The following RBFOX1 variants were observed in gnomAD, a reference collection of about 807,000 sequenced individuals.
RBFOX1 encodes the protein RNA binding fox-1 homolog 1, also known as RNA binding protein fox-1 homolog 1.
RBFOX1 carries 8 observed loss-of-function variants against 57.7 expected under a neutral mutation model. That is an observed-to-expected ratio of 0.14 (90% CI 0.08 to 0.25). RBFOX1 has a LOEUF of 0.25. Ranked by LOEUF, RBFOX1 falls within the 10% of genes least tolerant of loss-of-function variation. The pLI is 1.00. For synonymous variants in RBFOX1, 326 were observed against 222.4 expected (o/e 1.47, Z -4.15); for missense variants, 611 against 548.5 (o/e 1.11, Z -1.14).
At chr16:7,446,982 T>C (rs1434566170) in intron 4 of RBFOX1, among the ~76,000 whole-genome samples, 2 of 151,330 alleles carry the variant, frequency 1.3e-5, no homozygotes, top group Non-Finnish European at 2.9e-5. Context: ...CTGGCTAATA[T>C]TTTGTATTTT....
chr16:7,187,557 C>G (rs8054631), intron 4 of RBFOX1, among the ~76,000 whole-genome samples: 6,732 of 151,054 alleles, frequency 0.045, 534 homozygotes, highest in African/African-American at 0.15. Flanking sequence ...GGCGTGGTGG[C>G]GGGCGCCTGT....
In RBFOX1 at chr16:5,353,111, C is replaced by T. The variant is rs555611567; in HGVS notation, c.219+113006C>T. Among the ~76,000 whole-genome samples, 11 of 151,514 alleles carry T rather than the reference C, an allele frequency of 7.3e-5. No homozygotes were observed. The East Asian group carries it at 9.9e-4, about 14-fold the overall frequency. ...TGTTCAGGCTGGGTGTGGTGGTGCA[C>T]GCCTGTAATCCCAGCACTTTGGGAA... is the stretch of plus-strand genomic sequence containing the variant. On this transcript the variant is annotated intron_variant, in intron 1 of 2. Coordinates refer to the RBFOX1 transcript ENST00000585867.
At position 7,545,967 on chromosome 16, in the gene RBFOX1, G is replaced by A. The variant is rs60040060; in HGVS notation, c.270+27578G>A. Among the ~76,000 whole-genome samples, 1,380 of 148,546 alleles carry A rather than the reference G, an allele frequency of 9.3e-3. 23 individuals are homozygous for A. Among genetic ancestry groups the A allele is most frequent in the African/African-American group, 0.03 (1,214 of 40,320 alleles). On this transcript the variant is annotated intron_variant, in intron 5 of 15. Coordinates refer to ENST00000550418, the MANE Select transcript of RBFOX1 (RefSeq NM_018723.4). ...CATGCCTTAGAAATTGGAAAGTGTC[G>A]TAAAACTAGAAGCACTTATTACTAT...
chr16:7,313,487 A>G (rs201828882), intron 4 of RBFOX1, among the ~76,000 whole-genome samples: 1 of 62,302 alleles, frequency 1.6e-5, no homozygotes, highest in Non-Finnish European at 3.4e-5. Context: ...TTTTTTTTTT[A>G]AGGCTCTTTG....
At chr16:5,691,623 C>A (rs566064367) in intron 3 of RBFOX1, among the ~76,000 whole-genome samples, 2 of 152,078 alleles carry the variant, frequency 1.3e-5, no homozygotes, top group African/African-American at 2.4e-5. Flanking sequence ...ATCTCTAATC[C>A]AAAAATCTGA....
Position 7,417,461 on chromosome 16 carries a change from A to C in RBFOX1, c.28-100686A>C, listed in dbSNP as rs148456711. Among the ~76,000 whole-genome samples the C allele has an allele frequency of 1.8e-3, 266 of 151,074 alleles. 1 individual carries two copies. Among genetic ancestry groups the C allele is most frequent in the African/African-American group, 5.8e-3 (240 of 41,142 alleles). On this transcript the variant is annotated intron_variant, in intron 4 of 15. Coordinates refer to ENST00000550418, the MANE Select transcript of RBFOX1 (RefSeq NM_018723.4). The stretch of plus-strand genomic sequence containing the variant: ...TCTTATATAACCAAAGTACACCACC[A>C]CCACCAGGAAACTGACCTTGATCCA...
chr16:7,554,276 C>T (rs574601090), intron 5 of RBFOX1, among the ~76,000 whole-genome samples: 1 of 152,308 alleles, frequency 6.6e-6, no homozygotes, highest in South Asian at 2.1e-4. Context: ...ATAGCAGGAA[C>T]CGTTCTTCAA....
chr16:7,112,865 A>T (rs1297159957), intron 4 of RBFOX1, among the ~76,000 whole-genome samples: 1 of 152,120 alleles, frequency 6.6e-6, no homozygotes. Context: ...GACAGCAATA[A>T]TGGGGATGAC....
chr16:6,552,025 A>G (rs2096999741), intron 2 of RBFOX1, among the ~76,000 whole-genome samples: 1 of 152,220 alleles, frequency 6.6e-6, no homozygotes, highest in Non-Finnish European at 1.5e-5. Context: ...TCAGCAGGAG[A>G]GGAAAGGATG....
intron 2 of RBFOX1, among the ~76,000 whole-genome samples, chr16:6,528,524 G>C (rs2096613251): frequency 6.6e-6 from 1 of 152,194 alleles, no homozygotes; most frequent in Non-Finnish European, 1.5e-5. Context: ...GGCAAAGGAG[G>C]TGTCCTTCAC....
intron 1 of RBFOX1, among the ~76,000 whole-genome samples, chr16:6,207,751 G>A (rs2097264671): frequency 1.3e-5 from 2 of 151,924 alleles, no homozygotes; most frequent in Non-Finnish European, 1.5e-5. Flanking sequence ...GCAGTGGTGC[G>A]CATGTAAGTA....
At chr16:6,846,157 C>A (rs568856328) in intron 3 of RBFOX1, among the ~76,000 whole-genome samples, 4 of 152,298 alleles carry the variant, frequency 2.6e-5, no homozygotes, top group Admixed American at 1.3e-4. Flanking sequence ...CCCAGAGCTG[C>A]TTACACGGTG....
At chr16:7,046,509 A>G (rs778229042) in intron 3 of RBFOX1, among the ~76,000 whole-genome samples, 1 of 151,586 alleles carries the variant, frequency 6.6e-6, no homozygotes, top group Non-Finnish European at 1.5e-5. Flanking sequence ...AATATATGTA[A>G]TTTTTATTTT....
At position 5,548,180 on chromosome 16, in the gene RBFOX1, T is replaced by A. The variant is rs1453115951; in HGVS notation, c.259-50722T>A. Among the ~76,000 whole-genome samples the A allele has an allele frequency of 1.4e-3, 73 of 53,062 alleles. 1 individual carries two copies. Among genetic ancestry groups the A allele is most frequent in the African/African-American group, 4.3e-3 (70 of 16,342 alleles). 34.8% of individuals were successfully genotyped at this position (53,062 alleles called of 152,430 possible). ...TGTTAAAAAAAAAAAAAAAAATATA[T>A]ATATATATATATATATATATATATA... On this transcript the variant is annotated intron_variant, in intron 2 of 2. Coordinates refer to the RBFOX1 transcript ENST00000585867.
chr16:5,506,968 G>C (rs780000975), intron 2 of RBFOX1, among the ~76,000 whole-genome samples: 1 of 151,946 alleles, frequency 6.6e-6, no homozygotes, highest in East Asian at 1.9e-4. Flanking sequence ...CCGTCTCAGA[G>C]ACCACCAGAT....
Position 6,001,330 on chromosome 16 carries a change from C to T in RBFOX1, c.351+133995C>T, listed in dbSNP as rs1051405935. Among the ~76,000 whole-genome samples, 70 of 152,136 alleles carry T rather than the reference C, an allele frequency of 4.6e-4. 2 individuals are homozygous for T. Among genetic ancestry groups the T allele is most frequent in the Non-Finnish European group, 5.9e-5 (4 of 68,038 alleles). On this transcript the variant is annotated intron_variant, in intron 4 of 19. Coordinates refer to the RBFOX1 transcript ENST00000641259. The stretch of plus-strand genomic sequence containing the variant: ...TATGTAAGAGTTACTGGCATAAAGA[C>T]ACTAGGATCAAGTGTCTTTATTGCC...
chr16:6,659,807 C>T (rs981131968), intron 3 of RBFOX1, among the ~76,000 whole-genome samples: 2 of 152,162 alleles, frequency 1.3e-5, no homozygotes, highest in African/African-American at 2.4e-5. Context: ...CAGATGTCTT[C>T]TGGCTTTGAG....
At chr16:7,581,517 C>G (rs979052331) in intron 6 of RBFOX1, among the ~76,000 whole-genome samples, 24 of 152,248 alleles carry the variant, frequency 1.6e-4, no homozygotes, top group Admixed American at 3.3e-4. Flanking sequence ...GACACTCTTT[C>G]ATGGTGTCAC....
At chr16:6,428,753 A>G (rs1341446837) in intron 2 of RBFOX1, among the ~76,000 whole-genome samples, 1 of 152,240 alleles carries the variant, frequency 6.6e-6, no homozygotes, top group Non-Finnish European at 1.5e-5. Flanking sequence ...TCATCTATAT[A>G]GTTCTTTGAT....
Sources: allele counts gnomAD v4.1 joint callset (sites outside exome capture counted in the v4.1 genomes callset), GRCh38; gene constraint gnomAD v4.1.1; transcripts MANE v1.5; gene names NCBI Gene and HGNC (gene_info 2026-07-23, HGNC 2026-07-21).